Variants in SDK2 observed in about 807,000 individuals in gnomAD.
SDK2 encodes sidekick cell adhesion molecule 2, also known as protein sidekick-2.
Under a neutral mutation model 253.9 loss-of-function variants are expected in SDK2, and 105 were observed. The ratio of observed to expected loss-of-function variants is 0.41; its 90% confidence interval spans 0.35 to 0.49. SDK2 has a LOEUF of 0.49. Ranked by LOEUF, SDK2 falls within the 20% of genes least tolerant of loss-of-function variation. The pLI is 0.06. For missense variants in SDK2, 2,608 were observed against 3,003.0 expected (o/e 0.87, Z 3.07); for synonymous variants, 1,249 against 1,234.9 (o/e 1.01, Z -0.24).
At chr17:73,555,064 C>T (rs367717715) in intron 1 of SDK2, among the ~76,000 whole-genome samples, 8 of 152,196 alleles carry the variant, frequency 5.3e-5, no homozygotes, top group Non-Finnish European at 7.4e-5. Context: ...CCTCTGACAG[C>T]GCCAATCCCC....
chr17:73,355,174 A>ATATATTTTTT lies in SDK2; in HGVS notation c.5594-2538_5594-2537insAAAAAATATA. On this transcript the variant is annotated intron_variant, in intron 40 of 44. Transcript: ENST00000392650. The stretch of plus-strand genomic sequence containing the variant: ...CCTACACCTCCATATATATATATAT[A>ATATATTTTTT]TTTTTTTTTTTTTTTTTTTTTAGAC... Among the ~76,000 whole-genome samples the ATATATTTTTT allele has an allele frequency of 1.3e-3, 61 of 47,236 alleles. 1 individual carries two copies. The highest frequency in any genetic ancestry group is 4.2e-3 in the African/African-American group (26 of 6,144). The allele number at this position is 47,236 out of a possible 152,430, so 31.0% of individuals were successfully genotyped here. A position where few individuals can be genotyped will look rare whatever the true frequency, so the allele number is the denominator to read the frequency against.
intron 2 of SDK2, among the ~76,000 whole-genome samples, chr17:73,500,279 C>CG (rs770205871): frequency 7.1e-6 from 1 of 141,264 alleles, no homozygotes; most frequent in Non-Finnish European, 1.5e-5. Context: ...CTCCATCCTT[C>CG]TCCATCCTCC....
At chr17:73,423,732 C>T (rs1036801921) in intron 13 of SDK2, among the ~76,000 whole-genome samples, 184 bp downstream of exon 13, 22 of 152,172 alleles carry the variant, frequency 1.4e-4, no homozygotes, top group African/African-American at 2.4e-4. Context: ...CTGCTCTTGA[C>T]GGAGGGCCTA....
In SDK2 at chr17:73,472,837, G is replaced by A. The variant is rs140527717; in HGVS notation, c.225-619C>T. Reference sequence around the variant, plus strand: ...TCTCGTGATAGTGAATAAGTCTCACGTGATCTGATGGTTTTATAATGGGAA... The same window carrying A: ...TCTCGTGATAGTGAATAAGTCTCACATGATCTGATGGTTTTATAATGGGAA... On this transcript the variant is annotated intron_variant, in intron 2 of 44. Coordinates refer to ENST00000392650, the MANE Select transcript of SDK2 (RefSeq NM_001144952.2). Among the ~76,000 whole-genome samples, 1,120 of 152,274 alleles carry A rather than the reference G, an allele frequency of 7.4e-3. 13 individuals carry two copies. The highest frequency in any genetic ancestry group is 0.025 in the African/African-American group (1,051 of 41,542).
At chr17:73,420,100 G>A (rs560124952) in intron 15 of SDK2, among the ~76,000 whole-genome samples, 3 of 152,288 alleles carry the variant, frequency 2.0e-5, no homozygotes, top group Non-Finnish European at 2.9e-5. Flanking sequence ...GGAGCAGGGC[G>A]GGCATGGCGT....
At chr17:73,396,475 C>G (rs1599522336) in intron 24 of SDK2, among the ~76,000 whole-genome samples, 1 of 151,794 alleles carries the variant, frequency 6.6e-6, no homozygotes. Flanking sequence ...CACTTTACCC[C>G]ACTCCTCACC....
intron 1 of SDK2, among the ~76,000 whole-genome samples, chr17:73,602,143 T>C (rs1482652895): frequency 1.3e-5 from 2 of 152,220 alleles, no homozygotes; most frequent in African/African-American, 4.8e-5. Context: ...TTTGGGAAAC[T>C]GAGGCCCAGA....
chr17:73,553,617 A>G (rs1226390706), intron 1 of SDK2, among the ~76,000 whole-genome samples: 1 of 152,146 alleles, frequency 6.6e-6, no homozygotes, highest in Non-Finnish European at 1.5e-5. Context: ...CCCCTGAGCC[A>G]CTACCTGGCC....
intron 1 of SDK2, among the ~76,000 whole-genome samples, chr17:73,605,032 C>T (rs1293077644): frequency 1.3e-5 from 2 of 152,180 alleles, no homozygotes; most frequent in Non-Finnish European, 2.9e-5. Flanking sequence ...AAAGGAGAGG[C>T]CACCACTGGG....
In SDK2 at chr17:73,358,137, G is replaced by A; in HGVS notation, c.5535C>T (p.Ser1845=). The change falls in exon 40 of 45, where the codon TCC becomes TCT. Residue 1845 remains serine, a synonymous_variant. Transcript: ENST00000392650. ...RYSSAIAIHW[S]SGDPGKGPIT... ...TGGGCCCTTTGCCCGGGTCTCCGCT[G>A]GACCAGTGAATGGCGATGGCAGAGC... The A allele has an allele frequency of 6.2e-7, 1 of 1,613,244 alleles. No individual in the cohort carries two copies. Among genetic ancestry groups the A allele is most frequent in the Non-Finnish European group, 8.5e-7 (1 of 1,179,718 alleles).
chr17:73,610,520 A>C (rs1448156310), intron 1 of SDK2, among the ~76,000 whole-genome samples: 1 of 152,172 alleles, frequency 6.6e-6, no homozygotes, highest in Admixed American at 6.5e-5. Context: ...CTCACTGGGG[A>C]TCTGACTCAC....
chr17:73,589,539 A>T (rs1359373021), intron 1 of SDK2, among the ~76,000 whole-genome samples: 1 of 152,224 alleles, frequency 6.6e-6, no homozygotes, highest in Non-Finnish European at 1.5e-5. Context: ...CTTACTCCAC[A>T]AGCCTCCATT....
intron 33 of SDK2, among the ~76,000 whole-genome samples, chr17:73,382,773 G>A (rs1555755845): frequency 6.6e-6 from 1 of 152,192 alleles, no homozygotes. Flanking sequence ...AGGCCAAAGC[G>A]GGCAGGCCAC....
intron 38 of SDK2, among the ~76,000 whole-genome samples, chr17:73,362,943 GC>G (rs1184774117): frequency 1.3e-5 from 2 of 152,264 alleles, no homozygotes; most frequent in African/African-American, 4.8e-5. Flanking sequence ...GATGGCGCCG[GC>G]CCCGGCATGT....
chr17:73,348,829 C>T (rs974434451), intron 43 of SDK2, 104 bp from the exon 44 acceptor site: 4 of 897,832 alleles, frequency 4.5e-6, no homozygotes, highest in African/African-American at 1.6e-5. Context: ...GGATCCCTGC[C>T]ACCCTGTGCT....
chr17:73,377,631 C>CTT (rs1160933749), intron 36 of SDK2, among the ~76,000 whole-genome samples: 5 of 138,550 alleles, frequency 3.6e-5, no homozygotes, highest in African/African-American at 7.9e-5. Flanking sequence ...CTGCTGCCTG[C>CTT]TTTTTTTTTT....
chr17:73,483,635 A>ATGTG (rs1567799076), intron 2 of SDK2, among the ~76,000 whole-genome samples: 17 of 51,636 alleles, frequency 3.3e-4, no homozygotes, highest in African/African-American at 1.4e-3. Flanking sequence ...GTATATGTAT[A>ATGTG]TATATATGTG....
chr17:73,602,645 G>A (rs2045856968), intron 1 of SDK2, among the ~76,000 whole-genome samples: 1 of 151,828 alleles, frequency 6.6e-6, no homozygotes, highest in Non-Finnish European at 1.5e-5. Flanking sequence ...CCCACACAAG[G>A]AAATCTATGT....
rs922356646 is a variant in SDK2 at position 73,336,708 on chromosome 17, C to G, written c.*1879G>C. The G allele has an allele frequency of 1.3e-5, 2 of 152,950 alleles. No homozygotes were observed. Among genetic ancestry groups the G allele is most frequent in the Admixed American group, 1.3e-4 (2 of 15,278 alleles). 9.5% of individuals were successfully genotyped at this position (152,950 alleles called of 1,614,324 possible). Reference sequence around the variant, plus strand: ...ATGTTTCCCAAATCTCCTACTTGGGCTTCCTTGAACTCTGCTCACCCACCC... The same window carrying G: ...ATGTTTCCCAAATCTCCTACTTGGGGTTCCTTGAACTCTGCTCACCCACCC... On this transcript the variant is annotated 3_prime_UTR_variant, in exon 45 of 45. Transcript: ENST00000392650.
Sources: allele counts gnomAD v4.1 joint callset (sites outside exome capture counted in the v4.1 genomes callset), GRCh38; gene constraint gnomAD v4.1.1; transcripts MANE v1.5; gene names NCBI Gene and HGNC (gene_info 2026-07-23, HGNC 2026-07-21).